SDK2: variants seen among roughly 807,000 people sequenced by gnomAD.
SDK2 encodes sidekick cell adhesion molecule 2.
A neutral mutation model predicts 253.9 loss-of-function variants in SDK2; 105 were observed. The ratio of observed to expected loss-of-function variants is 0.41; its 90% CI spans 0.35 to 0.49. SDK2 has a LOEUF of 0.49. Among genes scored for constraint, SDK2 ranks in the 20% least tolerant of loss-of-function variants. The pLI, the probability that SDK2 is intolerant of heterozygous loss-of-function variation, is 0.06. For synonymous variants in SDK2, 1,249 were observed against 1,234.9 expected, an observed-to-expected ratio of 1.01 and a Z score of -0.24; for missense variants, 2,608 against 3,003.0, an observed-to-expected ratio of 0.87 and a Z score of 3.07.
At chr17:73,430,981 G>T (rs1012678693) in intron 11 of SDK2, among the ~76,000 whole-genome samples, 2 of 152,296 alleles carry the variant, frequency 1.3e-5, no homozygotes, top group Middle Eastern at 3.4e-3. Context: ...GTTGGAAGTG[G>T]CTTGAGAAGC....
chr17:73,412,643 C>A (rs1035040923), intron 18 of SDK2, among the ~76,000 whole-genome samples: 1 of 152,010 alleles, frequency 6.6e-6, no homozygotes, highest in Non-Finnish European at 1.5e-5. Context: ...AGGCCAGGCG[C>A]GGTGGCTCAT....
At chr17:73,549,313 T>A (rs2145833918) in intron 1 of SDK2, among the ~76,000 whole-genome samples, 1 of 152,314 alleles carries the variant, frequency 6.6e-6, no homozygotes, top group Non-Finnish European at 1.5e-5. Context: ...GGCTGCTCAC[T>A]GTTGAAGAAA....
intron 18 of SDK2, among the ~76,000 whole-genome samples, chr17:73,406,092 A>G (rs1347657399): frequency 6.6e-6 from 1 of 152,102 alleles, no homozygotes; most frequent in African/African-American, 2.4e-5. Flanking sequence ...TGCTATGTAA[A>G]TAGTTGTTAT....
Position 73,398,349 on chromosome 17 carries a change from C to T in SDK2, c.3174G>A (p.Val1058=), listed in dbSNP as rs559628757. ...SNEPDARSME[V]PDLNPFTCYS... ...AGCAGGTGAAGGGGTTGAGGTCGGGCACCTCCATGGAGCGGGCATCGGGCT... is the reference window on the plus strand; with the variant it reads ...AGCAGGTGAAGGGGTTGAGGTCGGGTACCTCCATGGAGCGGGCATCGGGCT... Residue 1058 remains valine, a synonymous_variant, in exon 23 of 45, where the codon GTG becomes GTA. Transcript: ENST00000392650. 1.2e-6 allele frequency: 2 copies of T among 1,613,992 alleles called. No individual in the cohort carries two copies. The highest frequency in any genetic ancestry group is 2.2e-5 in the South Asian group (2 of 91,078).
Position 73,627,775 on chromosome 17 carries a change from G to A in SDK2, c.64+16250C>T, listed in dbSNP as rs1241656816. Among the ~76,000 whole-genome samples the A allele has an allele frequency of 1.3e-5, 2 of 152,272 alleles. 1 individual carries two copies. Among genetic ancestry groups the A allele is most frequent in the Middle Eastern group, 6.8e-3 (2 of 294 alleles). ...GTTTAAAACCCACATTTGGCCGGGC[G>A]CAGTGGCTCACACCTGTAATCCCAG... On this transcript the variant is annotated intron_variant, in intron 1 of 44. Transcript: ENST00000392650.
At chr17:73,610,600 C>T (rs367683415) in intron 1 of SDK2, among the ~76,000 whole-genome samples, 97 of 152,236 alleles carry the variant, frequency 6.4e-4, no homozygotes, top group African/African-American at 2.2e-3. Context: ...CCCACAGTAG[C>T]CACGAGGGAG....
chr17:73,345,324 A>G (rs972081893), intron 44 of SDK2, among the ~76,000 whole-genome samples: 1 of 152,154 alleles, frequency 6.6e-6, no homozygotes, highest in African/African-American at 2.4e-5. Flanking sequence ...CATTTCAAAA[A>G]AAAAAGAAAA....
At chr17:73,508,892 G>A (rs1380502113) in intron 1 of SDK2, among the ~76,000 whole-genome samples, 1 of 152,204 alleles carries the variant, frequency 6.6e-6, no homozygotes, top group Non-Finnish European at 1.5e-5. Context: ...TGACAGATTC[G>A]AGGGAGTGGG....
intron 1 of SDK2, among the ~76,000 whole-genome samples, chr17:73,636,155 A>G (rs564294693): frequency 6.6e-6 from 1 of 152,276 alleles, no homozygotes; most frequent in Admixed American, 6.5e-5. Flanking sequence ...GAAAGAGGAC[A>G]GATGTTGGGA....
chr17:73,515,248 G>C (rs1449860349), intron 1 of SDK2, among the ~76,000 whole-genome samples: 1 of 152,128 alleles, frequency 6.6e-6, no homozygotes, highest in African/African-American at 2.4e-5. Flanking sequence ...ATTAGCATAA[G>C]ACTTCCCAAA....
At chr17:73,487,082 C>T (rs1452144273) in intron 2 of SDK2, among the ~76,000 whole-genome samples, 1 of 152,102 alleles carries the variant, frequency 6.6e-6, no homozygotes, top group Non-Finnish European at 1.5e-5. Context: ...TACAGGCACG[C>T]ACCACCATGC....
At chr17:73,432,144 G>A (rs1030754543) in intron 10 of SDK2, among the ~76,000 whole-genome samples, 1 of 151,944 alleles carries the variant, frequency 6.6e-6, no homozygotes, top group African/African-American at 2.4e-5. Flanking sequence ...TGCCTGGAGT[G>A]GGGGTGGGGT....
chr17:73,449,777 G>C (rs991804043), intron 4 of SDK2, among the ~76,000 whole-genome samples: 1 of 151,896 alleles, frequency 6.6e-6, no homozygotes, highest in Non-Finnish European at 1.5e-5. Context: ...AAAATTAGCC[G>C]GGTGTGGTGG....
At position 73,443,320 on chromosome 17, in the gene SDK2, GC is replaced by G. The variant is rs1251232956; in HGVS notation, c.614-2398del. 1.3e-5 allele frequency among the ~76,000 whole-genome samples: 2 copies of G among 152,210 alleles called. No individual in the cohort carries two copies. Among genetic ancestry groups the G allele is most frequent in the Non-Finnish European group, 2.9e-5 (2 of 68,034 alleles). ...AGGAAGCATATAAAGCAAAATAATT[GC>G]AACAATATAAAAGCCTCATGTAGGT... On this transcript the variant is annotated intron_variant, in intron 5 of 44. Transcript: ENST00000392650. The surrounding 1 kb of genome is among the most constrained non-coding windows in gnomAD (Gnocchi z 4.6).
intron 39 of SDK2, among the ~76,000 whole-genome samples, chr17:73,359,943 GTTCT>G (rs1281145185): frequency 1.3e-5 from 2 of 152,122 alleles, no homozygotes; most frequent in South Asian, 2.1e-4. Flanking sequence ...CACCCGGCTG[GTTCT>G]TTCTTTCTCA....
intron 40 of SDK2, among the ~76,000 whole-genome samples, chr17:73,356,230 T>C (rs1277553469): frequency 1.3e-5 from 2 of 152,198 alleles, no homozygotes; most frequent in African/African-American, 4.8e-5. Context: ...GCTGGGATCA[T>C]TGAGGCCCCT....
intron 2 of SDK2, among the ~76,000 whole-genome samples, chr17:73,476,720 C>T (rs750802505): frequency 6.6e-6 from 1 of 152,150 alleles, no homozygotes; most frequent in African/African-American, 2.4e-5. Flanking sequence ...TGGGCTTAAG[C>T]GATCCTCCTG....
At chr17:73,450,431 G>A (rs1314079931) in intron 4 of SDK2, among the ~76,000 whole-genome samples, 1 of 152,166 alleles carries the variant, frequency 6.6e-6, no homozygotes, top group Non-Finnish European at 1.5e-5. Context: ...CCAGCTTCAG[G>A]GCTGACAGGA....
chr17:73,556,853 G>T (rs2045151383), intron 1 of SDK2, among the ~76,000 whole-genome samples: 1 of 152,172 alleles, frequency 6.6e-6, no homozygotes, highest in African/African-American at 2.4e-5. Flanking sequence ...TGTAAAATGG[G>T]GGTGATGATG....
Sources: allele counts gnomAD v4.1 joint callset (sites outside exome capture counted in the v4.1 genomes callset), GRCh38; gene constraint gnomAD v4.1.1; non-coding constraint Gnocchi (gnomAD v3.1); transcripts MANE v1.5; gene names NCBI Gene and HGNC (gene_info 2026-07-23, HGNC 2026-07-21).